Variants in CCDC13 observed in about 807,000 individuals in gnomAD.
CCDC13 encodes the protein coiled-coil domain containing 13, also known as coiled-coil domain-containing protein 13.
Under a neutral mutation model 87.3 loss-of-function variants are expected in CCDC13, and 70 were observed. The ratio of observed to expected loss-of-function variants is 0.80; its 90% CI spans 0.66 to 0.98. The LOEUF is 0.98. Among genes scored for constraint, CCDC13 ranks in the 50% least tolerant of loss-of-function variants. The pLI, the probability that CCDC13 is intolerant of heterozygous loss-of-function variation, is 0.00. For synonymous variants in CCDC13, 317 were observed against 360.3 expected, an observed-to-expected ratio of 0.88 and a Z score of 1.36; for missense variants, 842 against 892.0, an observed-to-expected ratio of 0.94 and a Z score of 0.71.
At chr3:42,711,959 G>GTT (rs1698322363) in intron 14 of CCDC13, among the ~76,000 whole-genome samples, 14 of 152,100 alleles carry the variant, frequency 9.2e-5, no homozygotes, top group Admixed American at 9.2e-4. Context: ...GCCTGGAGAA[G>GTT]CCACACTCCT....
At chr3:42,761,993 G>T (rs1424712175) in intron 1 of CCDC13, among the ~76,000 whole-genome samples, 1 of 152,150 alleles carries the variant, frequency 6.6e-6, no homozygotes, top group Non-Finnish European at 1.5e-5. Flanking sequence ...ACACACAGGG[G>T]TGGTCCCAGA....
At chr3:42,732,344 G>A (rs1366087343) in intron 12 of CCDC13, among the ~76,000 whole-genome samples, 3 of 152,186 alleles carry the variant, frequency 2.0e-5, no homozygotes, top group African/African-American at 7.2e-5. Flanking sequence ...CCTGCCTGAG[G>A]GGTCAGGGTG....
chr3:42,759,532 T>C (rs910918049), intron 1 of CCDC13, among the ~76,000 whole-genome samples: 6 of 152,216 alleles, frequency 3.9e-5, no homozygotes, highest in Non-Finnish European at 5.9e-5. Context: ...TTCATATAAC[T>C]AGAATCATAC....
intron 1 of CCDC13, among the ~76,000 whole-genome samples, chr3:42,761,754 T>C (rs1342888953): frequency 6.6e-6 from 1 of 152,200 alleles, no homozygotes; most frequent in Non-Finnish European, 1.5e-5. Context: ...GGCCTCTGTG[T>C]CCTTCTAGCC....
chr3:42,759,178 G>A (rs1699774286), intron 1 of CCDC13, among the ~76,000 whole-genome samples: 1 of 151,992 alleles, frequency 6.6e-6, no homozygotes, highest in South Asian at 2.1e-4. Flanking sequence ...TTGTGGTGGT[G>A]CATGCCTGTA....
chr3:42,756,943 C>T (rs1575328517), intron 3 of CCDC13, 123 bp downstream of exon 3: 2 of 1,002,860 alleles, frequency 2.0e-6, no homozygotes, highest in East Asian at 2.5e-5. Context: ...CTCCTCTGGA[C>T]AAGCTTGATC....
At position 42,747,253 on chromosome 3, in the gene CCDC13, A is replaced by C; in HGVS notation, c.720+4T>G. 6.2e-7 allele frequency: 1 copy of C among 1,610,624 alleles called. No homozygotes were observed. On this transcript the variant is annotated splice_donor_region_variant and intron_variant, in intron 6 of 15. Coordinates refer to ENST00000310232, the MANE Select transcript of CCDC13 (RefSeq NM_144719.4). The stretch of plus-strand genomic sequence containing the variant: ...AGAAGCCCCAAGCCCTGGCTCTGAA[A>C]GACCTTCTGTGCCATCCGCAGCTCC...
chr3:42,726,647 T>C (rs1045779756), intron 13 of CCDC13, among the ~76,000 whole-genome samples: 1 of 152,100 alleles, frequency 6.6e-6, no homozygotes, highest in Non-Finnish European at 1.5e-5. Flanking sequence ...AAATTACGTA[T>C]AACATATTTA....
intron 7 of CCDC13, among the ~76,000 whole-genome samples, chr3:42,743,628 T>TAC (rs1165723370): frequency 1.1e-4 from 15 of 142,730 alleles, no homozygotes; most frequent in East Asian, 4.0e-4. Flanking sequence ...TATACACATA[T>TAC]ACACACACAC....
intron 13 of CCDC13, among the ~76,000 whole-genome samples, chr3:42,723,701 G>A (rs1698619611): frequency 1.3e-5 from 2 of 151,948 alleles, no homozygotes; most frequent in African/African-American, 4.8e-5. Context: ...AAGAAGCACT[G>A]GTAAAATCAG....
intron 13 of CCDC13, among the ~76,000 whole-genome samples, chr3:42,717,465 G>A (rs540363889): frequency 1.7e-4 from 26 of 151,976 alleles, no homozygotes; most frequent in African/African-American, 6.3e-4. Context: ...TAGATGCTGG[G>A]CTTAGTGGGT....
chr3:42,709,760 T>C lies in CCDC13; in HGVS notation c.1912A>G (p.Ser638Gly). 6.2e-7 allele frequency: 1 copy of C among 1,614,122 alleles called. No homozygotes were observed. Among genetic ancestry groups the C allele is most frequent in the Non-Finnish European group, 8.5e-7 (1 of 1,179,998 alleles). The stretch of plus-strand genomic sequence containing the variant: ...GCAAAGGATGGGTCCTTCTTCTCGC[T>C]CCCGGTTGGGTTGTGCCTGTTGTTA... ...TSNNRHNPTG[S>G]EKKDPSFAQL... is the part of the protein sequence containing the mutation. The change falls in exon 15 of 16, where the codon AGC becomes GGC. Residue 638 changes from serine (S) to glycine (G), a missense_variant. Transcript: ENST00000310232.
chr3:42,743,485 A>G (rs1396497254), intron 7 of CCDC13, among the ~76,000 whole-genome samples: 3 of 147,740 alleles, frequency 2.0e-5, no homozygotes, highest in Non-Finnish European at 3.0e-5. Flanking sequence ...TGGTGCAATC[A>G]TGGCTCACTG....
At chr3:42,721,947 T>A (rs924052717) in intron 13 of CCDC13, among the ~76,000 whole-genome samples, 3 of 152,222 alleles carry the variant, frequency 2.0e-5, no homozygotes, top group African/African-American at 7.2e-5. Flanking sequence ...GGGCATGTAT[T>A]GGAATTGGCT....
At position 42,732,874 on chromosome 3, in the gene CCDC13, C is replaced by T. The variant is rs757502175; in HGVS notation, c.1595+13G>A. 5.6e-5 allele frequency: 87 copies of T among 1,549,458 alleles called. No homozygotes were observed. Among genetic ancestry groups the T allele is most frequent in the Non-Finnish European group, 7.1e-5 (81 of 1,145,564 alleles). On this transcript the variant is annotated intron_variant, in intron 12 of 15. Transcript: ENST00000310232. ...GAAAAAACTGTGAGAGTCCGGGGGT[C>T]GGGGGTCCATACCTAGGTGAGGTCC...
At chr3:42,731,078 C>T (rs554982708) in intron 12 of CCDC13, among the ~76,000 whole-genome samples, 1 of 152,290 alleles carries the variant, frequency 6.6e-6, no homozygotes, top group South Asian at 2.1e-4. Flanking sequence ...GTTCAATTTT[C>T]TCCAGCCCTA....
At position 42,731,396 on chromosome 3, in the gene CCDC13, AG is replaced by A. The variant is rs1044234862; in HGVS notation, c.1596-808del. On this transcript the variant is annotated intron_variant, in intron 12 of 15. Transcript: ENST00000310232. ...CCCAGTTCCCCCACTAAACATTGAG[AG>A]GGGTGGTTTAGATGGGCTCCGAGAA... is the stretch of plus-strand genomic sequence containing the variant. 1.1e-3 allele frequency among the ~76,000 whole-genome samples: 160 copies of A among 151,568 alleles called. 1 individual carries two copies. Among genetic ancestry groups the A allele is most frequent in the Non-Finnish European group, 2.8e-4 (19 of 67,918 alleles).
chr3:42,753,687 G>A (rs191551656), intron 3 of CCDC13, among the ~76,000 whole-genome samples: 184 of 152,278 alleles, frequency 1.2e-3, no homozygotes, highest in African/African-American at 4.4e-3. Context: ...TCTCTGAGGA[G>A]GTGATGTGTG....
chr3:42,746,896 G>C, intron 6 of CCDC13: 1 of 373,792 alleles, frequency 2.7e-6, no homozygotes, highest in South Asian at 2.6e-5. Context: ...AAGTAAGGGT[G>C]ACATTAAGGG....
Sources: gnomAD v4.1 joint callset for allele counts (sites outside exome capture counted in the v4.1 genomes callset) on GRCh38, gnomAD v4.1.1 for gene constraint, MANE v1.5 for transcripts, NCBI Gene and HGNC (gene_info 2026-07-23, HGNC 2026-07-21) for gene names.